The following ZNF487 variants were observed in gnomAD, a reference collection of about 807,000 sequenced individuals.
The protein encoded by ZNF487 is zinc finger protein 487, also known as KRAB domain only 1.
In ZNF487, 4 loss-of-function variants were observed where a neutral mutation model predicts 3.0. That is an observed-to-expected ratio of 1.35 (90% CI 0.66 to 3.08). The LOEUF (loss-of-function observed/expected upper bound fraction) is 3.08, where lower values mean the gene tolerates loss of function less well. ZNF487 is among the 30% of genes most tolerant of loss of function. The pLI, the probability that ZNF487 is intolerant of heterozygous loss-of-function variation, is 0.01. For synonymous variants in ZNF487, 55 were observed against 34.6 expected (o/e 1.59, Z -2.06); for missense variants, 146 against 98.7 (o/e 1.48, Z -2.03).
chr10:43,515,310 G>T, the ZNF487 span, among the ~76,000 whole-genome samples: 1 of 152,158 alleles, frequency 6.6e-6, no homozygotes, highest in Non-Finnish European at 1.5e-5. Flanking sequence ...GTTGGGGGTG[G>T]CTCCTGAGGA....
At chr10:43,513,452 A>G in the ZNF487 span, among the ~76,000 whole-genome samples, 1 of 152,244 alleles carries the variant, frequency 6.6e-6, no homozygotes, top group East Asian at 1.9e-4. Context: ...TCATTCTCCA[A>G]GATCTGTCGT....
At chr10:43,513,673 G>A in the ZNF487 span, among the ~76,000 whole-genome samples, 3 of 152,196 alleles carry the variant, frequency 2.0e-5, no homozygotes, top group African/African-American at 7.2e-5. Context: ...CAGTCAGGGA[G>A]CCAATATGGG....
At chr10:43,446,317 C>CCCAG (rs1420123118) in intron 1 of ZNF487, among the ~76,000 whole-genome samples, 1 of 151,438 alleles carries the variant, frequency 6.6e-6, no homozygotes, top group African/African-American at 2.4e-5. Context: ...CCCCCCACCT[C>CCCAG]CCAGACGGGG....
the ZNF487 span, among the ~76,000 whole-genome samples, chr10:43,490,841 A>C: frequency 7.3e-4 from 109 of 149,520 alleles, 6 homozygotes; most frequent in African/African-American, 2.7e-3. Context: ...TGCTTGACTA[A>C]TTTTGTATTT....
chr10:43,441,246 C>G (rs1203562352), intron 1 of ZNF487, among the ~76,000 whole-genome samples: 1 of 151,066 alleles, frequency 6.6e-6, no homozygotes. Flanking sequence ...GGAGTATAGA[C>G]ATGAGCCACT....
intron 1 of ZNF487, chr10:43,454,332 TGAGCC>T (rs1840101044): frequency 2.0e-5 from 3 of 152,274 alleles, no homozygotes; most frequent in Non-Finnish European, 2.9e-5. Context: ...ATTACAGGCG[TGAGCC>T]ACTGCACCTG....
At chr10:43,472,784 T>C (rs1441774858) in intron 1 of ZNF487, among the ~76,000 whole-genome samples, 1 of 152,146 alleles carries the variant, frequency 6.6e-6, no homozygotes, top group African/African-American at 2.4e-5. Flanking sequence ...GCCCTTTTCC[T>C]GGAGTATGTT....
downstream of ZNF487, among the ~76,000 whole-genome samples, chr10:43,487,397 C>G (rs1314277288): frequency 6.6e-6 from 1 of 151,796 alleles, no homozygotes; most frequent in Admixed American, 6.6e-5. Flanking sequence ...CCTCCGCCTC[C>G]CAAAGTGCTG....
chr10:43,497,164 A>G, the ZNF487 span, among the ~76,000 whole-genome samples: 1 of 152,106 alleles, frequency 6.6e-6, no homozygotes, highest in Non-Finnish European at 1.5e-5. Flanking sequence ...TTATTCATTC[A>G]ACAAGTATGA....
In ZNF487 at chr10:43,479,187, C is replaced by T. The variant is rs79759065; in HGVS notation, c.131-2242C>T. Among the ~76,000 whole-genome samples the T allele has an allele frequency of 6.1e-3, 921 of 150,352 alleles. 9 individuals carry two copies. The highest frequency in any genetic ancestry group is 0.018 in the African/African-American group (729 of 41,220). Reference sequence around the variant, plus strand: ...CTGTGTTGCTCAGACTGGTCTTGAACTCCTGACCTTAAGCAATTCTTCCAC... The same window carrying T: ...CTGTGTTGCTCAGACTGGTCTTGAATTCCTGACCTTAAGCAATTCTTCCAC... On this transcript the variant is annotated intron_variant, in intron 3 of 3. Coordinates refer to ENST00000437590, the MANE Select transcript of ZNF487 (RefSeq NM_001355444.3).
the ZNF487 span, among the ~76,000 whole-genome samples, chr10:43,499,069 C>T: frequency 2.0e-5 from 3 of 152,172 alleles, no homozygotes; most frequent in African/African-American, 7.2e-5. Flanking sequence ...AGCAGTTAGA[C>T]TTCTGTTCTA....
At chr10:43,438,412 T>C (rs1160121555) in intron 1 of ZNF487, among the ~76,000 whole-genome samples, 1 of 152,086 alleles carries the variant, frequency 6.6e-6, no homozygotes, top group Non-Finnish European at 1.5e-5. Context: ...TCTCGAATTA[T>C]TGACCTCAGG....
intron 1 of ZNF487, among the ~76,000 whole-genome samples, chr10:43,444,282 G>A (rs1839724731): frequency 6.6e-6 from 1 of 152,042 alleles, no homozygotes; most frequent in African/African-American, 2.4e-5. Flanking sequence ...ATCTAGTCTG[G>A]GATATATGAG....
At chr10:43,504,191 T>C in the ZNF487 span, among the ~76,000 whole-genome samples, 6 of 152,192 alleles carry the variant, frequency 3.9e-5, no homozygotes, top group Non-Finnish European at 1.5e-5. Flanking sequence ...GAAGGATTTA[T>C]GCCATTGTGG....
the ZNF487 span, chr10:43,495,987 G>A: frequency 1.9e-6 from 1 of 523,728 alleles, no homozygotes; most frequent in Admixed American, 2.0e-5. Flanking sequence ...TGTAGTCACT[G>A]TAAAATGAAC....
chr10:43,495,246 GTTATTA>G, the ZNF487 span, among the ~76,000 whole-genome samples: 645 of 125,560 alleles, frequency 5.1e-3, 1 homozygote, highest in African/African-American at 0.018. Context: ...ATAATACATT[GTTATTA>G]TTATTATTAG....
the ZNF487 span, among the ~76,000 whole-genome samples, chr10:43,509,815 C>T: frequency 4.7e-3 from 720 of 152,162 alleles, 6 homozygotes; most frequent in African/African-American, 0.017. Flanking sequence ...CTCACAGACA[C>T]GCCCGGGATC....
chr10:43,436,856 G>C, upstream of ZNF487: 1 of 468,362 alleles, frequency 2.1e-6, no homozygotes, highest in South Asian at 1.6e-5. Context: ...CCCCGCCCCC[G>C]GACGCCCAGC....
At chr10:43,466,357 A>G (rs1403727096) in intron 1 of ZNF487, among the ~76,000 whole-genome samples, 1 of 150,760 alleles carries the variant, frequency 6.6e-6, no homozygotes, top group South Asian at 2.1e-4. Flanking sequence ...ATATTTGTTT[A>G]TAGCATGGTT....
Sources: allele counts gnomAD v4.1 joint callset (sites outside exome capture counted in the v4.1 genomes callset), GRCh38; gene constraint gnomAD v4.1.1; transcripts MANE v1.5; gene names NCBI Gene and HGNC (gene_info 2026-07-23, HGNC 2026-07-21).